Variants in SNRK observed in about 807,000 individuals in gnomAD.
SNRK encodes SNF-related serine/threonine-protein kinase.
Under a neutral mutation model 48.2 loss-of-function variants are expected in SNRK, and 3 were observed. The ratio of observed to expected loss-of-function variants is 0.06; its 90% CI spans 0.03 to 0.16. The LOEUF is 0.16. Among genes scored for constraint, SNRK ranks in the 10% least tolerant of loss-of-function variants. The pLI is 1.00. For synonymous variants in SNRK, 376 were observed against 366.1 expected, an observed-to-expected ratio of 1.03 and a Z score of -0.31; for missense variants, 627 against 976.0, an observed-to-expected ratio of 0.64 and a Z score of 4.76.
intron 3 of SNRK, 58 bp from the exon 4 acceptor site, chr3:43,332,111 T>C: frequency 4.7e-6 from 6 of 1,274,850 alleles, no homozygotes; most frequent in Non-Finnish European, 6.3e-6. Context: ...TAGCGCACTT[T>C]TAATGTTTTT....
intron 1 of SNRK, among the ~76,000 whole-genome samples, chr3:43,290,214 A>G (rs1338106022): frequency 1.3e-5 from 2 of 152,218 alleles, no homozygotes; most frequent in Admixed American, 6.5e-5. Flanking sequence ...TGCCGGGTAC[A>G]TAGTCTGTAC....
chr3:43,321,935 G>A (rs1433965626), intron 3 of SNRK, among the ~76,000 whole-genome samples: 1 of 152,222 alleles, frequency 6.6e-6, no homozygotes, highest in African/African-American at 2.4e-5. Flanking sequence ...CGGTGGTGCT[G>A]TCTCACCTAG....
intron 6 of SNRK, chr3:43,346,996 A>G (rs922203968): frequency 5.2e-6 from 1 of 193,952 alleles, no homozygotes; most frequent in Non-Finnish European, 1.0e-5. Flanking sequence ...CGTGGTGTTC[A>G]GGTTTTGCTT....
rs1426823004 is a variant in SNRK, at chr3:43,341,275, C to G, written c.944+776C>G. Reference sequence around the variant, plus strand: ...ACGCCATTCTCCTGCCTCAGCCTCCCAAGTAGCTGGGACTACAGGTGCCTG... The same window carrying G: ...ACGCCATTCTCCTGCCTCAGCCTCCGAAGTAGCTGGGACTACAGGTGCCTG... On this transcript the variant is annotated intron_variant, in intron 5 of 6. Transcript: ENST00000296088. Among the ~76,000 whole-genome samples the G allele has an allele frequency of 2.0e-5, 3 of 152,112 alleles. No individual in the cohort carries two copies. In the South Asian group the frequency reaches 6.2e-4, roughly 32 times the overall value.
chr3:43,291,241 T>C (rs1168736110), intron 1 of SNRK, among the ~76,000 whole-genome samples: 1 of 152,224 alleles, frequency 6.6e-6, no homozygotes, highest in East Asian at 1.9e-4. Flanking sequence ...TCCTTACCGT[T>C]GCCAGTTTCA....
At chr3:43,330,934 A>G (rs1378047410) in intron 3 of SNRK, among the ~76,000 whole-genome samples, 2 of 152,366 alleles carry the variant, frequency 1.3e-5, no homozygotes, top group South Asian at 2.1e-4. Context: ...GTATTAAAAA[A>G]TCACATTGTA....
In SNRK at chr3:43,347,545, C is replaced by T; in HGVS notation, c.1286C>T (p.Pro429Leu). The change falls in exon 7 of 7, where the codon CCC (proline) becomes CTC (leucine). Residue 429 changes from proline to leucine, a missense_variant. This residue lies in a region of SNRK where 175 missense variants were observed against 209.7 expected (regional missense o/e 0.83). Coordinates refer to ENST00000296088, the MANE Select transcript of SNRK (RefSeq NM_017719.5). This position sits in a 1 kb window ranked among gnomAD's most constrained non-coding sequence, Gnocchi z 5.4. ...LAGPALSTVP[P>L]ASLKPTASGR... ...GGACCAGCACTCTCTACGGTGCCAC[C>T]CGCAAGCTTAAAACCCACAGCCAGT... 6.2e-7 allele frequency: 1 copy of T among 1,613,668 alleles called. No homozygotes were observed. Among genetic ancestry groups the T allele is most frequent in the Non-Finnish European group, 8.5e-7 (1 of 1,179,778 alleles).
intron 4 of SNRK, chr3:43,332,513 T>A: frequency 2.7e-6 from 1 of 366,084 alleles, no homozygotes; most frequent in Non-Finnish European, 4.8e-6. Flanking sequence ...CTGAATATGA[T>A]CTGAAATTTA....
chr3:43,312,067 T>G (rs1247953322), intron 3 of SNRK, among the ~76,000 whole-genome samples: 1 of 152,190 alleles, frequency 6.6e-6, no homozygotes, highest in Non-Finnish European at 1.5e-5. Flanking sequence ...CCATCTCACC[T>G]AAGGTTTGGA....
chr3:43,297,899 AGCAGTTCAGTTTCT>A (rs1158142537), intron 1 of SNRK, among the ~76,000 whole-genome samples: 2 of 152,194 alleles, frequency 1.3e-5, no homozygotes, highest in Non-Finnish European at 2.9e-5. Flanking sequence ...GAAACTGAAC[AGCAGTTCAGTTTCT>A]GAACTGGTCT....
intron 4 of SNRK, chr3:43,333,343 A>AGC (rs1292477048): frequency 7.6e-6 from 1 of 132,158 alleles, no homozygotes; most frequent in Non-Finnish European, 1.6e-5. Flanking sequence ...TGGGCGACAG[A>AGC]GCGAGACTCT....
chr3:43,347,095 T>C lies in SNRK; in HGVS notation c.1080-244T>C, dbSNP rs1559472394. 2.3e-6 allele frequency: 1 copy of C among 427,196 alleles called. No individual in the cohort carries two copies. The allele number at this position is 427,196 out of a possible 1,614,324, so 26.5% of individuals were successfully genotyped here. The stretch of plus-strand genomic sequence containing the variant: ...GAGTAGCTCTTTGCCCTATTTTCTT[T>C]TCTGACACCTGTGATGAAGTTTTCA... On this transcript the variant is annotated intron_variant, in intron 6 of 6. Coordinates refer to ENST00000296088, the MANE Select transcript of SNRK (RefSeq NM_017719.5). This position sits in a 1 kb window ranked among gnomAD's most constrained non-coding sequence, Gnocchi z 5.4.
At chr3:43,340,164 GCCA>G in intron 4 of SNRK, 120 bp from the exon 5 acceptor site, 1 of 771,112 alleles carries the variant, frequency 1.3e-6, no homozygotes, top group South Asian at 1.6e-5. Context: ...CTGCCCCACT[GCCA>G]CCACTAGTGC....
chr3:43,288,398 A>T (rs945629168), intron 1 of SNRK, among the ~76,000 whole-genome samples: 1 of 152,112 alleles, frequency 6.6e-6, no homozygotes, highest in Non-Finnish European at 1.5e-5. Flanking sequence ...TACTAATTTT[A>T]TTTTTCTAGA....
chr3:43,314,332 T>G (rs1204402053), intron 3 of SNRK, among the ~76,000 whole-genome samples: 1 of 152,220 alleles, frequency 6.6e-6, no homozygotes, highest in Non-Finnish European at 1.5e-5. Context: ...CAGTATGCAT[T>G]TAAAAATTGC....
chr3:43,323,573 C>T (rs796298999), intron 3 of SNRK, among the ~76,000 whole-genome samples: 1 of 152,152 alleles, frequency 6.6e-6, no homozygotes, highest in Non-Finnish European at 1.5e-5. Context: ...GATAAACATA[C>T]ACTTACCCAG....
chr3:43,303,420 C>A lies in SNRK; in HGVS notation c.217C>A (p.Pro73Thr). 1 of 1,614,128 alleles carries A rather than the reference C, an allele frequency of 6.2e-7. No homozygotes were observed. ...EVRCMKLVQH[P>T]NIVRLYEVID... is the part of the protein sequence containing the mutation. Reference sequence around the variant, plus strand: ...GAGATGCATGAAACTAGTGCAGCATCCTAACATCGTCCGCCTTTATGAAGT... The same window carrying A: ...GAGATGCATGAAACTAGTGCAGCATACTAACATCGTCCGCCTTTATGAAGT... Residue 73 changes from proline (P) to threonine (T), a missense_variant, in exon 3 of 7, where the codon CCT becomes ACT. Transcript: ENST00000296088. The surrounding 1 kb of genome is among the most constrained non-coding windows in gnomAD (Gnocchi z 6.2).
intron 5 of SNRK, 104 bp downstream of exon 5, chr3:43,340,603 TTCCCAGTTGGCAAGA>T: frequency 1.0e-6 from 1 of 985,252 alleles, no homozygotes; most frequent in Non-Finnish European, 1.5e-6. Flanking sequence ...TAGATAAGAG[TTCCCAGTTGGCAAGA>T]GTTGTGTCAT....
At chr3:43,292,892 T>G (rs530893244) in intron 1 of SNRK, among the ~76,000 whole-genome samples, 218 of 152,328 alleles carry the variant, frequency 1.4e-3, no homozygotes, top group African/African-American at 3.6e-3. Flanking sequence ...CTGGGATACA[T>G]GTACAGAATG....
Sources: gnomAD v4.1 joint callset for allele counts (sites outside exome capture counted in the v4.1 genomes callset) on GRCh38, gnomAD v4.1.1 for gene constraint, gnomAD v4.1.1 regional missense constraint, Gnocchi (gnomAD v3.1) non-coding constraint, MANE v1.5 for transcripts, NCBI Gene and HGNC (gene_info 2026-07-23, HGNC 2026-07-21) for gene names.